ANKMY1: variants seen among roughly 807,000 people sequenced by gnomAD.
ANKMY1 encodes the protein ankyrin repeat and MYND domain containing 1.
A neutral mutation model predicts 102.0 loss-of-function variants in ANKMY1; 98 were observed. The observed-to-expected ratio is 0.96, with a 90% CI of 0.82 to 1.14. The LOEUF is 1.14. Among genes scored for constraint, ANKMY1 ranks in the 50% most tolerant of loss-of-function variants. The pLI, the probability that ANKMY1 is intolerant of heterozygous loss-of-function variation, is 0.00. For missense variants in ANKMY1, 1,330 were observed against 1,347.6 expected (o/e 0.99, Z 0.20); for synonymous variants, 582 against 559.9 (o/e 1.04, Z -0.56).
chr2:240,500,498 T>TC lies in ANKMY1; in HGVS notation c.2593dup (p.Glu865GlyfsTer189), dbSNP rs1192902143. 6.2e-7 allele frequency: 1 copy of TC among 1,614,006 alleles called. No homozygotes were observed. The highest frequency in any genetic ancestry group is 1.7e-5 in the Admixed American group (1 of 59,992). On this transcript the variant is annotated frameshift_variant, in exon 14 of 18. Transcript: ENST00000401804. LOFTEE classifies it high-confidence loss of function. ...ATAGTCCACGGCTGTGCCCACTGCC[T>TC]CCTTTTCTCCCTGCCTGAGCATTAC... is the stretch of plus-strand genomic sequence containing the variant.
chr2:240,472,707 A>AT, the ANKMY1 span, among the ~76,000 whole-genome samples: 110,743 of 152,096 alleles, frequency 0.73, 41,549 homozygotes, highest in African/African-American at 0.9. Context: ...CCTGGAGGCA[A>AT]CCCTTCAGAG....
rs763386963 is a variant in ANKMY1, at chr2:240,526,438, G to A, written c.961C>T (p.Pro321Ser). Residue 321 changes from proline to serine, a missense_variant, in exon 6 of 18, where the codon CCA becomes TCA. Pro to Ser is a moderately conservative substitution (Grantham distance 74). Transcript: ENST00000401804. ...CCCATGTTCCAGCTGGTGTGAGCTG[G>A]CTTGTTCCTGGCAACACAACAAGTT... ...QKQTYKFRNK[P>S]AHTSWNMGAI... 1.2e-6 allele frequency: 2 copies of A among 1,614,074 alleles called. No homozygotes were observed. Among genetic ancestry groups the A allele is most frequent in the Non-Finnish European group, 8.5e-7 (1 of 1,180,044 alleles).
chr2:240,509,304 G>T (rs1462175269), intron 12 of ANKMY1, 44 bp downstream of exon 12: 13 of 1,526,882 alleles, frequency 8.5e-6, no homozygotes, highest in African/African-American at 1.4e-5. Flanking sequence ...ACTGGAGACG[G>T]AAACACATAG....
At chr2:240,522,310 C>T (rs560967642) in intron 8 of ANKMY1, 1 of 152,332 alleles carries the variant, frequency 6.6e-6, no homozygotes, top group Non-Finnish European at 1.5e-5. Context: ...ACTTGTTAAC[C>T]ATAACAAACC....
At chr2:240,497,832 T>C (rs2077462755) in intron 15 of ANKMY1, among the ~76,000 whole-genome samples, 1 of 152,208 alleles carries the variant, frequency 6.6e-6, no homozygotes, top group Non-Finnish European at 1.5e-5. Flanking sequence ...GCTGTGGAGC[T>C]GGGGGTCGGG....
Position 240,506,170 on chromosome 2 carries a change from C to T in ANKMY1, c.2526+1390G>A, listed in dbSNP as rs1465927929. 1.3e-5 allele frequency among the ~76,000 whole-genome samples: 2 copies of T among 152,122 alleles called. No individual in the cohort carries two copies. The highest frequency in any genetic ancestry group is 2.4e-5 in the African/African-American group (1 of 41,414). ...ATGAGGCGCTGGGAGCCCCCAACCC[C>T]GGACGAAGGACTATTCTGTATGTTC... is the stretch of plus-strand genomic sequence containing the variant. On this transcript the variant is annotated intron_variant, in intron 13 of 17. Transcript: ENST00000401804. This position sits in a 1 kb window ranked among gnomAD's most constrained non-coding sequence, Gnocchi z 4.9.
chr2:240,479,985 GT>G (rs2075172770), intron 17 of ANKMY1, among the ~76,000 whole-genome samples: 1 of 152,166 alleles, frequency 6.6e-6, no homozygotes, highest in South Asian at 2.1e-4. Flanking sequence ...GCCGAGGTGG[GT>G]GGATCACCAG....
At chr2:240,525,149 C>T (rs1017290794) in intron 7 of ANKMY1, among the ~76,000 whole-genome samples, 7 of 152,246 alleles carry the variant, frequency 4.6e-5, no homozygotes, top group Admixed American at 3.9e-4. Flanking sequence ...ACATTTCTTT[C>T]CTGCTACATA....
intron 4 of ANKMY1, among the ~76,000 whole-genome samples, chr2:240,533,434 T>G (rs776498652): frequency 3.3e-5 from 5 of 152,240 alleles, no homozygotes; most frequent in Non-Finnish European, 7.3e-5. Flanking sequence ...ACACAGTAAG[T>G]AAATGGAAGC....
At chr2:240,507,434 T>C in intron 13 of ANKMY1, 126 bp downstream of exon 13, 1 of 765,772 alleles carries the variant, frequency 1.3e-6, no homozygotes. Flanking sequence ...CTTATACCCC[T>C]CACCCAGGGC....
chr2:240,546,108 G>C (rs938609069), intron 4 of ANKMY1, among the ~76,000 whole-genome samples: 1 of 152,146 alleles, frequency 6.6e-6, no homozygotes, highest in Non-Finnish European at 1.5e-5. Context: ...GGCAGCCAGA[G>C]AGAAAGGTCG....
In ANKMY1 at chr2:240,499,141, G is replaced by A. The variant is rs993981106; in HGVS notation, c.2806+817C>T. On this transcript the variant is annotated intron_variant, in intron 15 of 17. Coordinates refer to ENST00000401804, the MANE Select transcript of ANKMY1 (RefSeq NM_001282771.3). This position sits in a 1 kb window ranked among gnomAD's most constrained non-coding sequence, Gnocchi z 4.2. ...TGGGGGACTGTGTGAGGCTGCAGGA[G>A]GCTACTGCATGCTGAGGGCTCGGTG... Among the ~76,000 whole-genome samples, 16 of 152,138 alleles carry A rather than the reference G, an allele frequency of 1.1e-4. No homozygotes were observed. The highest frequency in any genetic ancestry group is 8.3e-4 in the South Asian group (4 of 4,832).
intron 4 of ANKMY1, among the ~76,000 whole-genome samples, chr2:240,549,198 A>G (rs1232754676): frequency 1.1e-4 from 16 of 149,986 alleles, no homozygotes; most frequent in African/African-American, 2.5e-4. Flanking sequence ...CAGAGCCCTC[A>G]GAAATAACGC....
At chr2:240,501,789 A>G (rs6760138) in intron 13 of ANKMY1, among the ~76,000 whole-genome samples, 98,936 of 152,158 alleles carry the variant, frequency 0.65, 32,674 homozygotes, top group East Asian at 0.79. Context: ...TCCCTGGCAC[A>G]TGGGGGCATG....
upstream of ANKMY1, among the ~76,000 whole-genome samples, chr2:240,559,487 G>C (rs1354564324): frequency 6.6e-6 from 1 of 152,218 alleles, no homozygotes; most frequent in East Asian, 1.9e-4. Flanking sequence ...CATTCCCAGA[G>C]CAGTCACGGG....
At chr2:240,470,141 T>C in the ANKMY1 span, among the ~76,000 whole-genome samples, 2 of 152,228 alleles carry the variant, frequency 1.3e-5, no homozygotes, top group African/African-American at 2.4e-5. Flanking sequence ...AGGCCCTCTG[T>C]CGAGAAACAC....
At chr2:240,486,561 A>C (rs1400922987) in intron 15 of ANKMY1, among the ~76,000 whole-genome samples, 1 of 152,226 alleles carries the variant, frequency 6.6e-6, no homozygotes, top group East Asian at 1.9e-4. Flanking sequence ...CAATTCTCAC[A>C]GGTTTTATCT....
At chr2:240,517,450 T>C (rs886755891) in intron 9 of ANKMY1, among the ~76,000 whole-genome samples, 2 of 152,144 alleles carry the variant, frequency 1.3e-5, no homozygotes, top group African/African-American at 4.8e-5. Flanking sequence ...TGAGAGGTCT[T>C]TGAGGTAGAG....
intron 2 of ANKMY1, chr2:240,555,338 G>A (rs1033193525): frequency 1.1e-5 from 5 of 438,714 alleles, no homozygotes; most frequent in African/African-American, 7.8e-5. Flanking sequence ...TCCAGCCCGG[G>A]CCTGCTGGCG....
Sources: gnomAD v4.1 joint callset for allele counts (sites outside exome capture counted in the v4.1 genomes callset) on GRCh38, gnomAD v4.1.1 for gene constraint, Gnocchi (gnomAD v3.1) non-coding constraint, MANE v1.5 for transcripts, NCBI Gene and HGNC (gene_info 2026-07-23, HGNC 2026-07-21) for gene names.